Variants in ITGBL1 observed in about 807,000 individuals in gnomAD.
The protein encoded by ITGBL1 is integrin beta-like protein 1.
Under a neutral mutation model 68.5 loss-of-function variants are expected in ITGBL1, and 51 were observed. The ratio of observed to expected loss-of-function variants is 0.74; its 90% CI spans 0.59 to 0.94. ITGBL1 has a LOEUF of 0.94. ITGBL1 is among the 40% of genes least tolerant of loss of function. The probability of loss-of-function intolerance (pLI) is 0.00; values close to 1 mark genes in which losing one functional copy is unlikely to be tolerated. For missense variants in ITGBL1, 649 were observed against 647.4 expected, an observed-to-expected ratio of 1.00 and a Z score of -0.03; for synonymous variants, 209 against 227.3, an observed-to-expected ratio of 0.92 and a Z score of 0.72.
intron 7 of ITGBL1, among the ~76,000 whole-genome samples, chr13:101,680,533 C>G (rs986056797): frequency 9.0e-5 from 13 of 143,742 alleles, no homozygotes; most frequent in African/African-American, 3.1e-4. Flanking sequence ...CGGGAATACA[C>G]TTTTTTTTTT....
intron 8 of ITGBL1, among the ~76,000 whole-genome samples, chr13:101,701,155 A>G (rs2034127576): frequency 6.6e-6 from 1 of 152,202 alleles, no homozygotes; most frequent in Admixed American, 6.6e-5. Context: ...GACAACTCAA[A>G]GCATTTGAAT....
intron 2 of ITGBL1, among the ~76,000 whole-genome samples, chr13:101,523,287 A>G (rs2049316619): frequency 6.6e-6 from 1 of 152,180 alleles, no homozygotes; most frequent in African/African-American, 2.4e-5. Context: ...GGCCTGGATG[A>G]CAAACACAGA....
downstream of ITGBL1, chr13:101,718,342 CAT>C (rs1490356133): frequency 9.9e-5 from 15 of 152,072 alleles, no homozygotes; most frequent in African/African-American, 3.6e-4. Context: ...CATGTAAAGA[CAT>C]AAACTCTTTC....
intron 2 of ITGBL1, among the ~76,000 whole-genome samples, chr13:101,531,834 T>C (rs576359682): frequency 2.0e-4 from 31 of 151,764 alleles, no homozygotes; most frequent in South Asian, 4.2e-4. Context: ...CCAAGGTTCA[T>C]GCCATTCTCC....
chr13:101,568,994 C>T (rs897446740), intron 3 of ITGBL1, among the ~76,000 whole-genome samples: 3 of 150,026 alleles, frequency 2.0e-5, no homozygotes, highest in Non-Finnish European at 4.4e-5. Flanking sequence ...TAGGATTTCT[C>T]TACGTCCAAT....
At chr13:101,671,539 C>T (rs1322565917) in intron 7 of ITGBL1, among the ~76,000 whole-genome samples, 3 of 143,988 alleles carry the variant, frequency 2.1e-5, no homozygotes, top group Non-Finnish European at 4.5e-5. Context: ...CCCGGGTTCA[C>T]GCCATTCTCC....
At chr13:101,693,646 C>CTATCTATT in intron 8 of ITGBL1, among the ~76,000 whole-genome samples, 1 of 152,112 alleles carries the variant, frequency 6.6e-6, no homozygotes, top group African/African-American at 2.4e-5. Flanking sequence ...ATCTATCTAT[C>CTATCTATT]TATCTATCTA....
intron 7 of ITGBL1, among the ~76,000 whole-genome samples, chr13:101,653,873 T>G (rs1244824895): frequency 6.8e-6 from 1 of 147,438 alleles, no homozygotes; most frequent in Non-Finnish European, 1.5e-5. Flanking sequence ...GTTTTTTGTT[T>G]TTTTTTTTTT....
rs114011815 is a variant in ITGBL1 at position 101,454,040 on chromosome 13, G to A, written c.256G>A (p.Gly86Arg). ...CGTGACTGAGCCGGGCATGTTCTTC[G>A]GGCCCCTGTGTGAGTGCCATGAGTG... ...CHVTEPGMFF[G>R]PLCECHEWVC... Residue 86 changes from glycine (G) to arginine (R), a missense_variant, in exon 2 of 11, where the codon GGG (glycine) becomes AGG (arginine). Gly to Arg is a moderately radical substitution (Grantham distance 125, BLOSUM62 -2). Coordinates refer to ENST00000376180, the MANE Select transcript of ITGBL1 (RefSeq NM_004791.3). 626 of 1,592,616 alleles carry A rather than the reference G, an allele frequency of 3.9e-4. 4 individuals are homozygous for A. In the African/African-American group the frequency reaches 6.9e-3, roughly 18 times the overall value.
At chr13:101,595,358 G>A (rs1441736130) in intron 6 of ITGBL1, among the ~76,000 whole-genome samples, 1 of 152,106 alleles carries the variant, frequency 6.6e-6, no homozygotes, top group Non-Finnish European at 1.5e-5. Flanking sequence ...CAAAAGGACA[G>A]CATTAAGCCA....
At position 101,632,565 on chromosome 13, in the gene ITGBL1, G is replaced by C. The variant is rs535545795; in HGVS notation, c.1015+34266G>C. Among the ~76,000 whole-genome samples the C allele has an allele frequency of 3.3e-3, 502 of 152,120 alleles. 9 individuals carry two copies. The highest frequency in any genetic ancestry group is 5.4e-3 in the Non-Finnish European group (367 of 67,990). On this transcript the variant is annotated intron_variant, in intron 7 of 10. Transcript: ENST00000376180. ...GAAATGTCTGCAAACAATATGTATTGGTAAGTGAACCACCACTTACCAATT... is the reference window on the plus strand; with the variant it reads ...GAAATGTCTGCAAACAATATGTATTCGTAAGTGAACCACCACTTACCAATT...
At position 101,710,115 on chromosome 13, in the gene ITGBL1, T is replaced by C. The variant is rs79134846; in HGVS notation, c.1279+3213T>C. Among the ~76,000 whole-genome samples, 293 of 152,360 alleles carry C rather than the reference T, an allele frequency of 1.9e-3. 2 individuals carry two copies. The highest frequency in any genetic ancestry group is 6.6e-3 in the African/African-American group (273 of 41,586). ...TTGTTTGCTTTGGGAGGTGGCGATA[T>C]ATTCAGAGATCAATGAAGGGTTGAA... On this transcript the variant is annotated intron_variant, in intron 9 of 10. Transcript: ENST00000376180.
intron 7 of ITGBL1, among the ~76,000 whole-genome samples, chr13:101,672,890 T>C (rs114598475): frequency 6.6e-6 from 1 of 152,310 alleles, no homozygotes; most frequent in African/African-American, 2.4e-5. Flanking sequence ...ACTTCACTTG[T>C]AGGTTCCTCC....
chr13:101,562,798 A>G (rs1001444676), intron 2 of ITGBL1, among the ~76,000 whole-genome samples: 3 of 151,926 alleles, frequency 2.0e-5, no homozygotes, highest in African/African-American at 7.2e-5. Flanking sequence ...GAACAAAACT[A>G]TATTACCAGC....
intron 2 of ITGBL1, among the ~76,000 whole-genome samples, chr13:101,463,561 A>C (rs897021006): frequency 6.6e-6 from 1 of 152,116 alleles, no homozygotes; most frequent in Non-Finnish European, 1.5e-5. Flanking sequence ...TGGAATTTTC[A>C]TGCTTTTTCT....
intron 2 of ITGBL1, among the ~76,000 whole-genome samples, chr13:101,514,482 G>A (rs906550061): frequency 1.3e-4 from 20 of 151,898 alleles, no homozygotes; most frequent in African/African-American, 4.6e-4. Context: ...ATCAGTTTTA[G>A]GAGCTAATTT....
intron 9 of ITGBL1, among the ~76,000 whole-genome samples, chr13:101,710,103 G>T (rs1207098786): frequency 5.9e-5 from 9 of 152,196 alleles, no homozygotes; most frequent in Non-Finnish European, 1.3e-4. Flanking sequence ...TTTGCTTTGG[G>T]AGGTGGCGAT....
At chr13:101,602,888 G>T (rs1025677957) in intron 7 of ITGBL1, among the ~76,000 whole-genome samples, 2 of 152,090 alleles carry the variant, frequency 1.3e-5, no homozygotes, top group African/African-American at 2.4e-5. Flanking sequence ...TATCAAAGTT[G>T]TAGCATATGT....
chr13:101,540,236 G>C (rs1054230801), intron 2 of ITGBL1, among the ~76,000 whole-genome samples: 15 of 152,112 alleles, frequency 9.9e-5, no homozygotes, highest in Non-Finnish European at 1.6e-4. Context: ...TGTATAAGGT[G>C]TAAGGAAGGG....
Sources: gnomAD v4.1 joint callset for allele counts (sites outside exome capture counted in the v4.1 genomes callset) on GRCh38, gnomAD v4.1.1 for gene constraint, MANE v1.5 for transcripts, NCBI Gene and HGNC (gene_info 2026-07-23, HGNC 2026-07-21) for gene names.